Variants in MAP4 observed in about 807,000 individuals in gnomAD.
The protein encoded by MAP4 is microtubule-associated protein 4.
Under a neutral mutation model 170.2 loss-of-function variants are expected in MAP4, and 76 were observed. The observed-to-expected ratio is 0.45, with a 90% CI of 0.37 to 0.54. The LOEUF (loss-of-function observed/expected upper bound fraction) is 0.54. MAP4 is among the 20% of genes least tolerant of loss of function. MAP4 has a pLI of 0.00. For synonymous variants in MAP4, 909 were observed against 994.5 expected (o/e 0.91, Z 1.62); for missense variants, 2,506 against 2,748.0 (o/e 0.91, Z 1.97).
chr3:47,985,921 C>T (rs900106072), intron 2 of MAP4, among the ~76,000 whole-genome samples: 1 of 152,176 alleles, frequency 6.6e-6, no homozygotes, highest in Non-Finnish European at 1.5e-5. Flanking sequence ...TCTCTATCAT[C>T]GTATTCTTGT....
intron 3 of MAP4, among the ~76,000 whole-genome samples, chr3:47,934,328 C>T (rs915430063): frequency 1.3e-5 from 2 of 152,128 alleles, no homozygotes; most frequent in Non-Finnish European, 2.9e-5. Flanking sequence ...TTTGAGACAG[C>T]GTCTCCTTTT....
chr3:48,050,349 T>G (rs1362367780), intron 1 of MAP4, among the ~76,000 whole-genome samples: 1 of 151,858 alleles, frequency 6.6e-6, no homozygotes, highest in Non-Finnish European at 1.5e-5. Flanking sequence ...GGATTAATTT[T>G]TATAATATAC....
intron 1 of MAP4, among the ~76,000 whole-genome samples, chr3:48,071,082 T>C (rs2100140781): frequency 6.6e-6 from 1 of 152,066 alleles, no homozygotes; most frequent in African/African-American, 2.4e-5. Context: ...TACAGTGTGC[T>C]TTTAAAAAGC....
chr3:48,067,294 C>T (rs1217686451), intron 1 of MAP4, among the ~76,000 whole-genome samples: 1 of 152,090 alleles, frequency 6.6e-6, no homozygotes, highest in Admixed American at 6.5e-5. Context: ...AACCTCAACA[C>T]AATACTAAAG....
chr3:47,953,634 A>G (rs2100065924), intron 3 of MAP4, among the ~76,000 whole-genome samples: 3 of 152,206 alleles, frequency 2.0e-5, no homozygotes, highest in Admixed American at 2.0e-4. Context: ...ACTTAGGGAG[A>G]TAGAAATGTT....
chr3:47,967,134 T>G (rs6773208), intron 3 of MAP4, among the ~76,000 whole-genome samples: 56,588 of 151,536 alleles, frequency 0.37, 11,253 homozygotes, highest in African/African-American at 0.52. Flanking sequence ...GTCAGGAGTT[T>G]GAGACCAGCC....
intron 4 of MAP4, among the ~76,000 whole-genome samples, chr3:47,925,036 T>C (rs193172502): frequency 7.8e-4 from 119 of 152,298 alleles, no homozygotes; most frequent in Admixed American, 3.2e-3. Context: ...GGTCTCCATC[T>C]CTTGACCTCG....
At chr3:47,965,347 T>C (rs900369034) in intron 3 of MAP4, among the ~76,000 whole-genome samples, 1 of 152,334 alleles carries the variant, frequency 6.6e-6, no homozygotes, top group East Asian at 1.9e-4. Context: ...CTGTGAATAA[T>C]GCTGCTACAA....
intron 1 of MAP4, among the ~76,000 whole-genome samples, chr3:48,052,824 A>G (rs998965511): frequency 1.3e-5 from 2 of 152,232 alleles, no homozygotes; most frequent in African/African-American, 4.8e-5. Context: ...AACGGCTAAG[A>G]GGAAAATGAG....
chr3:48,033,131 TA>T (rs995584319), intron 1 of MAP4, among the ~76,000 whole-genome samples: 2 of 152,228 alleles, frequency 1.3e-5, no homozygotes, highest in Admixed American at 1.3e-4. Flanking sequence ...AGTTCTCAAC[TA>T]AAAGTAGAAT....
At chr3:47,891,223 C>T (rs2100023754) in intron 10 of MAP4, 1 of 1,536,204 alleles carries the variant, frequency 6.5e-7, no homozygotes, top group Non-Finnish European at 8.7e-7. Flanking sequence ...TCTGCTCCAG[C>T]TTACTATGGA....
chr3:48,072,140 A>T (rs2100141330), intron 1 of MAP4, among the ~76,000 whole-genome samples: 1 of 152,124 alleles, frequency 6.6e-6, no homozygotes, highest in Non-Finnish European at 1.5e-5. Flanking sequence ...CGGAAGTTGC[A>T]GTGAGCCAAG....
intron 2 of MAP4, among the ~76,000 whole-genome samples, chr3:47,979,753 G>GC (rs1453016614): frequency 6.6e-6 from 1 of 152,146 alleles, no homozygotes; most frequent in Non-Finnish European, 1.5e-5. Context: ...GAGCCACTGT[G>GC]CCCAGCCATA....
intron 17 of MAP4, among the ~76,000 whole-genome samples, chr3:47,860,338 G>A (rs1365651969): frequency 6.6e-6 from 1 of 152,210 alleles, no homozygotes; most frequent in Non-Finnish European, 1.5e-5. Context: ...GACTACAGGC[G>A]CACACCACCA....
In MAP4 at chr3:47,998,841, G is replaced by A. The variant is rs1474679536; in HGVS notation, c.20C>T (p.Ala7Val). MADLSL[A>V]DALTEPSPDI... ...TGGAGATGGTTCTGTTAATGCATCT[G>A]CAAGACTGAGGTCAGCCATTCTGCA... The change falls in exon 2 of 21, where the codon GCA (alanine) becomes GTA (valine). Residue 7 changes from alanine to valine, a missense_variant. Around this residue, in one of 3 missense-constraint regions of MAP4, gnomAD observed 2,008 missense variants for 2,206.0 expected, o/e 0.91. Transcript: ENST00000683076. The A allele has an allele frequency of 2.5e-6, 4 of 1,613,896 alleles. No homozygotes were observed. Among genetic ancestry groups the A allele is most frequent in the Non-Finnish European group, 3.4e-6 (4 of 1,179,764 alleles).
In MAP4 at chr3:47,909,651, G is replaced by A; in HGVS notation, c.4770C>T (p.Ala1590=). Residue 1590 remains alanine, a synonymous_variant, in exon 9 of 21, where the codon GCC becomes GCT. Transcript: ENST00000683076. ...TATCTGCATATCCTTCTAGGGCTCT[G>A]GCCTCTCCTGGTAGGCTCTGGTCTT... is the stretch of plus-strand genomic sequence containing the variant. ...PVEDQSLPGE[A]RALEGYADRG... is the part of the protein sequence containing the mutation. 6.2e-7 allele frequency: 1 copy of A among 1,613,930 alleles called. No individual in the cohort carries two copies. The highest frequency in any genetic ancestry group is 8.5e-7 in the Non-Finnish European group (1 of 1,179,900).
At chr3:47,950,387 G>A (rs2100062938) in intron 3 of MAP4, among the ~76,000 whole-genome samples, 1 of 152,128 alleles carries the variant, frequency 6.6e-6, no homozygotes, top group Non-Finnish European at 1.5e-5. Context: ...TGGCACTCTT[G>A]GGTTTAAGTG....
chr3:47,858,986 C>T (rs1184625865), intron 17 of MAP4, among the ~76,000 whole-genome samples: 3 of 151,922 alleles, frequency 2.0e-5, no homozygotes, highest in Non-Finnish European at 4.4e-5. Flanking sequence ...AAAAATTAGC[C>T]GGGCGTGGTG....
chr3:48,081,098 C>T (rs943894910), intron 1 of MAP4, among the ~76,000 whole-genome samples: 1 of 151,196 alleles, frequency 6.6e-6, no homozygotes, highest in African/African-American at 2.4e-5. Context: ...CACTCCAGCC[C>T]AGGCGACAGA....
Sources: gnomAD v4.1 joint callset for allele counts (sites outside exome capture counted in the v4.1 genomes callset) on GRCh38, gnomAD v4.1.1 for gene constraint, gnomAD v4.1.1 regional missense constraint, MANE v1.5 for transcripts, NCBI Gene and HGNC (gene_info 2026-07-23, HGNC 2026-07-21) for gene names.